NUBPL: variants seen among roughly 807,000 people sequenced by gnomAD.
NUBPL encodes iron-sulfur cluster transfer protein NUBPL.
A neutral mutation model predicts 45.7 loss-of-function variants in NUBPL; 31 were observed. The observed-to-expected ratio is 0.68, with a 90% confidence interval of 0.51 to 0.92. The LOEUF (loss-of-function observed/expected upper bound fraction) is 0.92. Ranked by LOEUF, NUBPL falls within the 40% of genes least tolerant of loss-of-function variation. NUBPL has a pLI of 0.00. For synonymous variants in NUBPL, 144 were observed against 140.9 expected (o/e 1.02, Z -0.15); for missense variants, 401 against 398.7 (o/e 1.01, Z -0.05).
intron 5 of NUBPL, 44 bp from the exon 6 acceptor site, chr14:31,673,440 A>G: frequency 6.2e-7 from 1 of 1,605,362 alleles, no homozygotes; most frequent in Non-Finnish European, 8.5e-7. Context: ...AATAATGTTG[A>G]TTAATTTATA....
chr14:31,717,379 G>A (rs2037712847), intron 6 of NUBPL, among the ~76,000 whole-genome samples: 1 of 152,124 alleles, frequency 6.6e-6, no homozygotes, highest in Non-Finnish European at 1.5e-5. Flanking sequence ...GTGCTCTTGT[G>A]TTCTGCAGCA....
chr14:31,613,747 C>T (rs547438078), intron 4 of NUBPL, among the ~76,000 whole-genome samples: 104 of 152,136 alleles, frequency 6.8e-4, no homozygotes, highest in African/African-American at 2.3e-3. Flanking sequence ...TGAGCCACTG[C>T]GCCCGGCCTA....
At chr14:31,653,438 T>C (rs576921235) in intron 4 of NUBPL, among the ~76,000 whole-genome samples, 2 of 152,300 alleles carry the variant, frequency 1.3e-5, no homozygotes, top group South Asian at 4.1e-4. Flanking sequence ...GGTCTTAATA[T>C]TATATTCCTT....
chr14:31,748,239 T>C (rs185409774), intron 6 of NUBPL, among the ~76,000 whole-genome samples: 1 of 152,342 alleles, frequency 6.6e-6, no homozygotes, highest in Admixed American at 6.5e-5. Flanking sequence ...TCCTGGAGAA[T>C]GGTCCATGTG....
At chr14:31,810,209 C>T (rs1448725957) in intron 7 of NUBPL, among the ~76,000 whole-genome samples, 2 of 152,096 alleles carry the variant, frequency 1.3e-5, no homozygotes, top group East Asian at 3.9e-4. Flanking sequence ...CTAATGTTGA[C>T]AGTGGGGTGT....
chr14:31,773,697 G>A (rs1173178953), intron 6 of NUBPL, among the ~76,000 whole-genome samples: 1 of 152,174 alleles, frequency 6.6e-6, no homozygotes, highest in Non-Finnish European at 1.5e-5. Context: ...CTGTTTGCTA[G>A]TAGGGTAGGA....
chr14:31,847,403 T>G (rs1441325427), intron 9 of NUBPL, among the ~76,000 whole-genome samples: 1 of 152,228 alleles, frequency 6.6e-6, no homozygotes, highest in Non-Finnish European at 1.5e-5. Flanking sequence ...TGATATGTCT[T>G]TAAAATATGG....
chr14:31,825,594 C>CCTCCTCCTCATCTTCCTCTTCTT, intron 7 of NUBPL, among the ~76,000 whole-genome samples: 1 of 151,370 alleles, frequency 6.6e-6, no homozygotes, highest in South Asian at 2.1e-4. Flanking sequence ...TCCTCCTTCT[C>CCTCCTCCTCATCTTCCTCTTCTT]CTCCTCCTCA....
At chr14:31,611,603 G>C (rs1167188983) in intron 4 of NUBPL, among the ~76,000 whole-genome samples, 1 of 152,030 alleles carries the variant, frequency 6.6e-6, no homozygotes, top group Non-Finnish European at 1.5e-5. Flanking sequence ...AGAAGATCCA[G>C]AATAGCCAAA....
At chr14:31,642,844 A>T (rs184227239) in intron 4 of NUBPL, among the ~76,000 whole-genome samples, 1 of 152,104 alleles carries the variant, frequency 6.6e-6, no homozygotes, top group Non-Finnish European at 1.5e-5. Flanking sequence ...TCAGTGTTTT[A>T]TGGTTTTCCT....
At chr14:31,667,150 G>C (rs911917785) in intron 4 of NUBPL, among the ~76,000 whole-genome samples, 5 of 152,064 alleles carry the variant, frequency 3.3e-5, no homozygotes, top group African/African-American at 9.7e-5. Context: ...GTGTTTTCCA[G>C]CTCGGTTACA....
At chr14:31,645,963 A>G (rs1366966750) in intron 4 of NUBPL, among the ~76,000 whole-genome samples, 1 of 152,086 alleles carries the variant, frequency 6.6e-6, no homozygotes, top group African/African-American at 2.4e-5. Flanking sequence ...TCTGTGTACT[A>G]ATCTTACCAG....
chr14:31,768,274 A>G (rs995392050), intron 6 of NUBPL, among the ~76,000 whole-genome samples: 3 of 152,210 alleles, frequency 2.0e-5, no homozygotes, highest in Non-Finnish European at 4.4e-5. Flanking sequence ...AAGTAAGCCT[A>G]CTTTACCTAA....
intron 6 of NUBPL, among the ~76,000 whole-genome samples, chr14:31,749,282 G>A (rs2038469232): frequency 6.6e-6 from 1 of 152,076 alleles, no homozygotes; most frequent in Admixed American, 6.5e-5. Flanking sequence ...TTTCAGCTGT[G>A]TATCTGTTCT....
At chr14:31,852,857 A>G (rs1454292314) in intron 10 of NUBPL, among the ~76,000 whole-genome samples, 1 of 151,996 alleles carries the variant, frequency 6.6e-6, no homozygotes, top group Non-Finnish European at 1.5e-5. Context: ...TCCCCCGTGA[A>G]CTCAAATAGA....
chr14:31,846,140 G>C, intron 8 of NUBPL: 1 of 330,830 alleles, frequency 3.0e-6, no homozygotes, highest in Non-Finnish European at 5.8e-6. Flanking sequence ...TAGAATTCCT[G>C]CTGTGGGCCT....
intron 4 of NUBPL, among the ~76,000 whole-genome samples, chr14:31,633,665 G>C (rs986679996): frequency 6.6e-6 from 1 of 152,156 alleles, no homozygotes; most frequent in African/African-American, 2.4e-5. Context: ...CACTGAGGGA[G>C]ATTTTGTTGT....
At chr14:31,641,929 T>G (rs1004163911) in intron 4 of NUBPL, among the ~76,000 whole-genome samples, 4 of 152,204 alleles carry the variant, frequency 2.6e-5, no homozygotes, top group African/African-American at 9.6e-5. Context: ...TCTCTGATCA[T>G]TAGTGATGTT....
intron 6 of NUBPL, among the ~76,000 whole-genome samples, chr14:31,756,794 A>T (rs571759725): frequency 2.2e-4 from 34 of 152,056 alleles, no homozygotes; most frequent in East Asian, 1.6e-3. Context: ...TCAAAGGGAA[A>T]GCTTCCAGTT....
Sources: allele counts gnomAD v4.1 joint callset (sites outside exome capture counted in the v4.1 genomes callset), GRCh38; gene constraint gnomAD v4.1.1; transcripts MANE v1.5; gene names NCBI Gene and HGNC (gene_info 2026-07-23, HGNC 2026-07-21).